Variants in BRF1 observed in about 807,000 individuals in gnomAD.
BRF1 encodes BRF1 general transcription factor IIIB subunit.
BRF1 carries 59 observed loss-of-function variants against 81.7 expected under a neutral mutation model. That is an observed-to-expected ratio of 0.72 (90% confidence interval 0.59 to 0.90). BRF1 has a LOEUF of 0.90. Ranked by LOEUF, BRF1 falls within the 40% of genes least tolerant of loss-of-function variation. The pLI is 0.00. For synonymous variants in BRF1, 491 were observed against 395.6 expected, an observed-to-expected ratio of 1.24 and a Z score of -2.86; for missense variants, 1,050 against 936.3, an observed-to-expected ratio of 1.12 and a Z score of -1.58.
At chr14:105,248,992 C>T in intron 5 of BRF1, 1 of 997,718 alleles carries the variant, frequency 1.0e-6, no homozygotes, top group East Asian at 1.0e-4. Context: ...CCCGCGCCAG[C>T]GCCGCCGCCG....
chr14:105,310,929 T>A (rs906497428), intron 1 of BRF1, among the ~76,000 whole-genome samples: 3 of 152,248 alleles, frequency 2.0e-5, no homozygotes, highest in African/African-American at 7.2e-5. Flanking sequence ...AAATACATAC[T>A]GCACATGGAC....
rs1157726678 is a variant in BRF1 at position 105,309,545 on chromosome 14, C to T, written c.-162+5777G>A. 6.6e-6 allele frequency among the ~76,000 whole-genome samples: 1 copy of T among 152,202 alleles called. No individual in the cohort carries two copies. Among genetic ancestry groups the T allele is most frequent in the Non-Finnish European group, 1.5e-5 (1 of 68,040 alleles). ...TCCCTGTTGACATTTCCAGTGTCACCTGCAGGATGCCATGGGATACCCATG... is the reference window on the plus strand; with the variant it reads ...TCCCTGTTGACATTTCCAGTGTCACTTGCAGGATGCCATGGGATACCCATG... On this transcript the variant is annotated intron_variant, in intron 1 of 17. Transcript: ENST00000327359. The surrounding 1 kb of genome is among the most constrained non-coding windows in gnomAD (Gnocchi z 4.0).
rs1478672357 is a variant in BRF1, at chr14:105,253,727, C to T, written c.472-1148G>A. Among the ~76,000 whole-genome samples, 6 of 152,234 alleles carry T rather than the reference C, an allele frequency of 3.9e-5. No homozygotes were observed. In the East Asian group the frequency reaches 1.2e-3, roughly 29 times the overall value. On this transcript the variant is annotated intron_variant, in intron 4 of 17. Transcript: ENST00000547530. The stretch of plus-strand genomic sequence containing the variant: ...AGCTCCTCCTGGTCACCATCCACCC[C>T]AGTGGGGCGCAGCTTCCATCTTCTC...
chr14:105,296,306 C>T (rs1005034660), intron 1 of BRF1, among the ~76,000 whole-genome samples: 18 of 152,062 alleles, frequency 1.2e-4, no homozygotes, highest in Admixed American at 7.2e-4. Flanking sequence ...GGGCGGATCA[C>T]GAGGTCAGGA....
rs367893964 is a variant in BRF1, at chr14:105,226,235, A to T, written c.955+16T>A. 1 of 1,613,990 alleles carries T rather than the reference A, an allele frequency of 6.2e-7. No individual in the cohort carries two copies. Among genetic ancestry groups the T allele is most frequent in the Non-Finnish European group, 8.5e-7 (1 of 1,180,034 alleles). On this transcript the variant is annotated intron_variant, in intron 9 of 17. Coordinates refer to ENST00000547530, the MANE Select transcript of BRF1 (RefSeq NM_001519.4). ...CAACAAAACAGAAGCATTACATGGG[A>T]AGATTGGTTGGTTACCTTCAACCTC...
In BRF1 at chr14:105,221,881, C is replaced by G. The variant is rs1220768092; in HGVS notation, c.1082G>C (p.Gly361Ala). 6.2e-7 allele frequency: 1 copy of G among 1,600,594 alleles called. No homozygotes were observed. The highest frequency in any genetic ancestry group is 8.5e-7 in the Non-Finnish European group (1 of 1,174,122). The change falls in exon 11 of 18, where the codon GGC becomes GCC. Residue 361 changes from glycine to alanine, a missense_variant. Gly to Ala is a moderately conservative substitution (Grantham distance 60, BLOSUM62 0). Transcript: ENST00000547530. ...CTCCTCGTCCTCTGTGTCCTCCTCG[C>G]CACACAAGCTGGACGCGGTGTCCTC... ...STEDTASSLC[G>A]EEDTEDEELE...
rs906140653 is a variant in BRF1 at position 105,209,777 on chromosome 14, G to C, written c.*774C>G. ...TGCCTACAGAGCTATGCTCAGGACG[G>C]GTGGGCGCCGGTCTCAGCTGTCGGG... On this transcript the variant is annotated 3_prime_UTR_variant, in exon 18 of 18. Transcript: ENST00000547530. 1 of 542,654 alleles carries C rather than the reference G, an allele frequency of 1.8e-6. No individual in the cohort carries two copies. The highest frequency in any genetic ancestry group is 2.0e-5 in the African/African-American group (1 of 50,826). The allele number at this position is 542,654 out of a possible 1,614,324, so 33.6% of individuals were successfully genotyped here.
chr14:105,263,663 C>T lies in BRF1; in HGVS notation c.440-7114G>A, dbSNP rs587650966. On this transcript the variant is annotated intron_variant, in intron 3 of 17. Coordinates refer to ENST00000547530, the MANE Select transcript of BRF1 (RefSeq NM_001519.4). Reference sequence around the variant, plus strand: ...ATTCCCGGCCGGGCGCGATGGCTCACGCCTGTAATCCCAACACTTTGGAAG... The same window carrying T: ...ATTCCCGGCCGGGCGCGATGGCTCATGCCTGTAATCCCAACACTTTGGAAG... Among the ~76,000 whole-genome samples the T allele has an allele frequency of 6.0e-4, 92 of 152,258 alleles. 1 individual carries two copies. The highest frequency in any genetic ancestry group is 5.6e-3 in the Admixed American group (86 of 15,290).
chr14:105,242,835 G>C (rs2054790458), intron 5 of BRF1, among the ~76,000 whole-genome samples: 1 of 152,150 alleles, frequency 6.6e-6, no homozygotes, highest in Admixed American at 6.6e-5. Flanking sequence ...TTTGGCCGGG[G>C]CCAGGTGCTG....
At chr14:105,278,630 G>A (rs1330414963) in intron 2 of BRF1, among the ~76,000 whole-genome samples, 1 of 152,006 alleles carries the variant, frequency 6.6e-6, no homozygotes, top group East Asian at 1.9e-4. Context: ...TTCTGGCAGG[G>A]TGCAGTGGCT....
intron 1 of BRF1, among the ~76,000 whole-genome samples, chr14:105,310,889 G>A (rs1482449287): frequency 6.6e-6 from 1 of 152,198 alleles, no homozygotes; most frequent in Non-Finnish European, 1.5e-5. Context: ...CCTGAAAATA[G>A]GTGTTTTATA....
upstream of BRF1, among the ~76,000 whole-genome samples, chr14:105,301,486 CA>C (rs2058024780): frequency 6.6e-6 from 1 of 151,286 alleles, no homozygotes; most frequent in African/African-American, 2.4e-5. Context: ...ACCTGGGACC[CA>C]ACCCCGGGCT....
intron 5 of BRF1, among the ~76,000 whole-genome samples, chr14:105,245,967 T>C (rs1275091206): frequency 6.6e-6 from 1 of 152,142 alleles, no homozygotes; most frequent in East Asian, 1.9e-4. Context: ...AGGAATCTAT[T>C]AACAGAAATG....
intron 2 of BRF1, among the ~76,000 whole-genome samples, chr14:105,279,465 A>G (rs1182100501): frequency 6.6e-6 from 1 of 152,230 alleles, no homozygotes; most frequent in Non-Finnish European, 1.5e-5. Context: ...TTGTGGCCAT[A>G]ATTACTCACC....
Position 105,315,047 on chromosome 14 carries a change from G to T in BRF1, c.-162+275C>A. On this transcript the variant is annotated intron_variant, in intron 1 of 17. Coordinates refer to the BRF1 transcript ENST00000327359. This position sits in a 1 kb window ranked among gnomAD's most constrained non-coding sequence, Gnocchi z 4.4. ...CCAGCTGCGTGCCCAGGTACGCGCC[G>T]CCCGCCGCGCTTTGTTCCCGCCGGG... 1 of 1,167,768 alleles carries T rather than the reference G, an allele frequency of 8.6e-7. No homozygotes were observed. Among genetic ancestry groups the T allele is most frequent in the Non-Finnish European group, 1.1e-6 (1 of 937,660 alleles). 72.3% of individuals were successfully genotyped at this position (1,167,768 alleles called of 1,614,324 possible). A position where few individuals can be genotyped will look rare whatever the true frequency, so the allele number is the denominator to read the frequency against.
At position 105,241,329 on chromosome 14, in the gene BRF1, G is replaced by C. The variant is rs1480161508; in HGVS notation, c.630C>G (p.Leu210=). 5.0e-6 allele frequency: 8 copies of C among 1,612,670 alleles called. No homozygotes were observed. Among genetic ancestry groups the C allele is most frequent in the Non-Finnish European group, 6.8e-6 (8 of 1,179,954 alleles). ...TCCAGTCCCGCTTCATCCTCTGTAG[G>C]AGCCTCAGGGCAGTCATGGACACCT... is the stretch of plus-strand genomic sequence containing the variant. ...NHEVSMTALR[L]LQRMKRDWMH... Residue 210 remains leucine (L), a synonymous_variant, in exon 6 of 18, where the codon CTC becomes CTG. Transcript: ENST00000547530.
intron 5 of BRF1, chr14:105,248,991 G>GCGCCGC (rs1055625932): frequency 6.1e-6 from 6 of 990,808 alleles, no homozygotes; most frequent in South Asian, 4.5e-5. Context: ...CCCCGCGCCA[G>GCGCCGC]CGCCGCCGCC....
At chr14:105,285,696 A>G (rs2140473093) in intron 2 of BRF1, among the ~76,000 whole-genome samples, 1 of 152,376 alleles carries the variant, frequency 6.6e-6, no homozygotes, top group South Asian at 2.1e-4. Flanking sequence ...CATGCTCCAA[A>G]GGATACCAGC....
chr14:105,226,735 T>C lies in BRF1; in HGVS notation c.814A>G (p.Thr272Ala). The change falls in exon 8 of 18, where the codon ACC becomes GCC. Residue 272 changes from threonine (T) to alanine (A), a missense_variant. Thr to Ala is a moderately conservative substitution (Grantham distance 58, BLOSUM62 0). This residue lies in a region of BRF1 where 1,043 missense variants were observed against 915.4 expected (regional missense o/e 1.14). Transcript: ENST00000547530. ...AACTCATCAATGGTCAACTGACTGGTGGGGGTGTCTTCAAATTCCGTGAGC... is the reference window on the plus strand; with the variant it reads ...AACTCATCAATGGTCAACTGACTGGCGGGGGTGTCTTCAAATTCCGTGAGC... ...KRLTEFEDTP[T>A]SQLTIDEFMK... 2 of 1,613,622 alleles carry C rather than the reference T, an allele frequency of 1.2e-6. No individual in the cohort carries two copies. Among genetic ancestry groups the C allele is most frequent in the Non-Finnish European group, 1.7e-6 (2 of 1,179,996 alleles).
Sources: allele counts gnomAD v4.1 joint callset (sites outside exome capture counted in the v4.1 genomes callset), GRCh38; gene constraint gnomAD v4.1.1; regional missense constraint gnomAD v4.1.1; non-coding constraint Gnocchi (gnomAD v3.1); transcripts MANE v1.5; gene names NCBI Gene and HGNC (gene_info 2026-07-23, HGNC 2026-07-21).